CC2D2B: variants seen among roughly 807,000 people sequenced by gnomAD.
CC2D2B encodes coiled-coil and C2 domain containing 2B, also known as protein CC2D2B.
CC2D2B carries 128 observed loss-of-function variants against 161.2 expected under a neutral mutation model. The observed-to-expected ratio is 0.79, with a 90% CI of 0.69 to 0.92. The LOEUF is 0.92. CC2D2B is among the 40% of genes least tolerant of loss of function. The pLI is 0.00. For synonymous variants in CC2D2B, 391 were observed against 449.8 expected (o/e 0.87, Z 1.65); for missense variants, 1,173 against 1,375.1 (o/e 0.85, Z 2.32).
At chr10:96,022,287 A>G (rs1175177056) in intron 32 of CC2D2B, among the ~76,000 whole-genome samples, 1 of 151,896 alleles carries the variant, frequency 6.6e-6, no homozygotes, top group African/African-American at 2.4e-5. Context: ...GCACCACTGC[A>G]CTCCAGTCTG....
intron 34 of CC2D2B, among the ~76,000 whole-genome samples, chr10:96,030,747 C>T (rs1420198791): frequency 1.3e-5 from 2 of 152,032 alleles, no homozygotes; most frequent in African/African-American, 2.4e-5. Flanking sequence ...GTAGGTTTTG[C>T]TTTGTTTTTA....
chr10:95,950,826 T>C (rs572768136), intron 10 of CC2D2B, among the ~76,000 whole-genome samples: 1 of 152,252 alleles, frequency 6.6e-6, no homozygotes, highest in East Asian at 1.9e-4. Context: ...ATCTGCTTTT[T>C]TTTTTCTTTT....
intron 22 of CC2D2B, among the ~76,000 whole-genome samples, chr10:95,993,996 A>AGTACAG: frequency 8.3e-6 from 1 of 120,588 alleles, no homozygotes; most frequent in Non-Finnish European, 1.7e-5. Context: ...ATATATATAT[A>AGTACAG]TAGTACAGTC....
chr10:95,971,388 C>CAAA (rs200214465), intron 15 of CC2D2B, among the ~76,000 whole-genome samples: 4 of 99,642 alleles, frequency 4.0e-5, no homozygotes, highest in Non-Finnish European at 5.9e-5. Context: ...GACTCAACCT[C>CAAA]AAAAAAAAAA....
At chr10:95,972,488 A>G (rs373875003) in intron 16 of CC2D2B, among the ~76,000 whole-genome samples, 26 of 152,102 alleles carry the variant, frequency 1.7e-4, no homozygotes, top group East Asian at 1.2e-3. Flanking sequence ...TAATTTTTGT[A>G]TTTTTAGTAG....
chr10:95,939,065 A>C, intron 9 of CC2D2B, 140 bp downstream of exon 9: 1 of 454,336 alleles, frequency 2.2e-6, no homozygotes, highest in Admixed American at 4.0e-5. Context: ...GAAATGTTAA[A>C]TAGCCCTTAA....
intron 14 of CC2D2B, among the ~76,000 whole-genome samples, chr10:95,967,188 GC>G (rs1177492476): frequency 6.6e-6 from 1 of 152,150 alleles, no homozygotes; most frequent in Non-Finnish European, 1.5e-5. Context: ...CCAGAGAAGT[GC>G]AGCAGTGGAG....
At position 96,032,057 on chromosome 10, in the gene CC2D2B, A is replaced by G; in HGVS notation, c.*49A>G. ...GATTGTACTATAGTCCTCTAGTACC[A>G]ACAAAAACTTTTCTGGTACCTTGAG... On this transcript the variant is annotated 3_prime_UTR_variant, in exon 35 of 35. Coordinates refer to ENST00000646931, the MANE Select transcript of CC2D2B (RefSeq NM_001349008.3). 7.0e-7 allele frequency: 1 copy of G among 1,422,474 alleles called. No homozygotes were observed. Among genetic ancestry groups the G allele is most frequent in the Non-Finnish European group, 9.6e-7 (1 of 1,039,210 alleles). The allele number at this position is 1,422,474 out of a possible 1,614,324, so 88.1% of individuals were successfully genotyped here. A position where few individuals can be genotyped will look rare whatever the true frequency, so the allele number is the denominator to read the frequency against.
intron 24 of CC2D2B, among the ~76,000 whole-genome samples, 195 bp from the exon 25 acceptor site, chr10:96,003,957 A>G (rs931485527): frequency 8.5e-5 from 13 of 152,194 alleles, no homozygotes; most frequent in Admixed American, 8.5e-4. Flanking sequence ...CTTAAGAGAC[A>G]TGTAAATTAC....
Position 96,033,214 on chromosome 10 carries a change from G to C in CC2D2B, c.*1206G>C, listed in dbSNP as rs1408101988. 2.0e-5 allele frequency among the ~76,000 whole-genome samples: 3 copies of C among 152,164 alleles called. No homozygotes were observed. Among genetic ancestry groups the C allele is most frequent in the Non-Finnish European group, 4.4e-5 (3 of 68,014 alleles). The stretch of plus-strand genomic sequence containing the variant: ...AGCAGAGACCCCAAATGTATCTGCA[G>C]GGAATACCCAATCTGTATCTGTTTC... On this transcript the variant is annotated 3_prime_UTR_variant, in exon 35 of 35. Coordinates refer to ENST00000646931, the MANE Select transcript of CC2D2B (RefSeq NM_001349008.3).
At chr10:95,959,192 C>T (rs2076680392) in intron 11 of CC2D2B, among the ~76,000 whole-genome samples, 1 of 152,082 alleles carries the variant, frequency 6.6e-6, no homozygotes, top group South Asian at 2.1e-4. Context: ...AATTTGAAAC[C>T]TTTCTGCAAA....
At chr10:95,915,935 T>C (rs2098515477) in intron 2 of CC2D2B, among the ~76,000 whole-genome samples, 1 of 152,204 alleles carries the variant, frequency 6.6e-6, no homozygotes, top group African/African-American at 2.4e-5. Flanking sequence ...TTTGGAAGTA[T>C]TCCCTTGTCC....
At chr10:95,945,007 C>T (rs1387357943) in intron 9 of CC2D2B, among the ~76,000 whole-genome samples, 1 of 152,172 alleles carries the variant, frequency 6.6e-6, no homozygotes, top group Non-Finnish European at 1.5e-5. Flanking sequence ...ATTAGGTGCT[C>T]TTATAAAGGG....
chr10:95,911,720 T>C (rs2141097306), intron 2 of CC2D2B, among the ~76,000 whole-genome samples: 1 of 152,300 alleles, frequency 6.6e-6, no homozygotes, highest in African/African-American at 2.4e-5. Context: ...TAACTGCAAT[T>C]AAGATTCACA....
intron 2 of CC2D2B, among the ~76,000 whole-genome samples, chr10:95,917,388 G>A (rs186855151): frequency 1.3e-5 from 2 of 152,232 alleles, no homozygotes; most frequent in Non-Finnish European, 2.9e-5. Context: ...TGATAAGCAA[G>A]GACTTTACTA....
Position 96,032,849 on chromosome 10 carries a change from A to G in CC2D2B, c.*841A>G, listed in dbSNP as rs939899075. On this transcript the variant is annotated 3_prime_UTR_variant, in exon 35 of 35. Transcript: ENST00000646931. ...AAATCTCAGGACTCTTTTTTTCCTT[A>G]GTGAGCAGCCCCCAACTCTGCCTCT... 1 of 465,588 alleles carries G rather than the reference A, an allele frequency of 2.1e-6. No homozygotes were observed. The highest frequency in any genetic ancestry group is 2.0e-5 in the African/African-American group (1 of 49,712). 28.8% of individuals were successfully genotyped at this position (465,588 alleles called of 1,614,324 possible).
chr10:95,967,258 AGGAC>A (rs2076970921), intron 14 of CC2D2B, among the ~76,000 whole-genome samples: 1 of 152,160 alleles, frequency 6.6e-6, no homozygotes, highest in African/African-American at 2.4e-5. Context: ...TTTATTATGT[AGGAC>A]ACCCATATAA....
At position 96,032,136 on chromosome 10, in the gene CC2D2B, A is replaced by G. The variant is rs2080089475; in HGVS notation, c.*128A>G. 4.4e-6 allele frequency: 3 copies of G among 681,022 alleles called. No homozygotes were observed. Among genetic ancestry groups the G allele is most frequent in the Non-Finnish European group, 7.4e-6 (3 of 407,302 alleles). 42.2% of individuals were successfully genotyped at this position (681,022 alleles called of 1,614,324 possible). On this transcript the variant is annotated 3_prime_UTR_variant, in exon 35 of 35. Transcript: ENST00000646931. ...AAGTGCTGGGCCCAATTTTTGATTC[A>G]CTTACAGAGCTGGGCACTATGGAGA...
intron 9 of CC2D2B, among the ~76,000 whole-genome samples, chr10:95,941,887 G>A (rs1294495776): frequency 6.6e-6 from 1 of 152,146 alleles, no homozygotes; most frequent in Non-Finnish European, 1.5e-5. Context: ...AGTGATATTT[G>A]CATTCCCATG....
Sources: gnomAD v4.1 joint callset for allele counts (sites outside exome capture counted in the v4.1 genomes callset) on GRCh38, gnomAD v4.1.1 for gene constraint, MANE v1.5 for transcripts, NCBI Gene and HGNC (gene_info 2026-07-23, HGNC 2026-07-21) for gene names.